Variants in MBTD1 observed in about 807,000 individuals in gnomAD.
MBTD1 encodes the protein mbt domain containing 1.
In MBTD1, 24 loss-of-function variants were observed where a neutral mutation model predicts 87.8. The observed-to-expected ratio is 0.27, with a 90% CI of 0.20 to 0.38. The LOEUF (loss-of-function observed/expected upper bound fraction) is 0.38, where lower values mean the gene tolerates loss of function less well. MBTD1 is among the 10% of genes least tolerant of loss of function. The pLI is 1.00. For synonymous variants in MBTD1, 237 were observed against 248.6 expected (o/e 0.95, Z 0.44); for missense variants, 436 against 760.2 (o/e 0.57, Z 5.02).
Position 51,213,335 on chromosome 17 carries a change from G to C in MBTD1, c.486+3999C>G, listed in dbSNP as rs564158107. 2.6e-5 allele frequency among the ~76,000 whole-genome samples: 4 copies of C among 152,290 alleles called. No individual in the cohort carries two copies. The South Asian group carries it at 8.3e-4, about 32-fold the overall frequency. On this transcript the variant is annotated intron_variant, in intron 6 of 16. Coordinates refer to ENST00000586178, the MANE Select transcript of MBTD1 (RefSeq NM_017643.3). ...GCATGAGCCACTGCTCTTGGCTAGA[G>C]TGCTTTAAAGCCAAATGTTCTGAAT...
At chr17:51,225,829 A>T (rs2053185614) in intron 2 of MBTD1, among the ~76,000 whole-genome samples, 1 of 151,130 alleles carries the variant, frequency 6.6e-6, no homozygotes, top group Non-Finnish European at 1.5e-5. Flanking sequence ...CCCAGGCTGG[A>T]GTGCAGTGGC....
intron 6 of MBTD1, among the ~76,000 whole-genome samples, chr17:51,210,934 C>T (rs1023111862): frequency 6.6e-6 from 1 of 151,354 alleles, no homozygotes; most frequent in Admixed American, 6.6e-5. Context: ...GCCAGGAGTT[C>T]AAGACCAGCC....
At chr17:51,224,299 T>C (rs886531842) in intron 3 of MBTD1, among the ~76,000 whole-genome samples, 29 of 152,230 alleles carry the variant, frequency 1.9e-4, no homozygotes, top group Non-Finnish European at 3.5e-4. Context: ...GAAGCAACTA[T>C]GGCTCCTTGG....
chr17:51,226,022 G>GCTCA (rs2143726602), intron 2 of MBTD1, among the ~76,000 whole-genome samples: 1 of 150,056 alleles, frequency 6.7e-6, no homozygotes, highest in East Asian at 2.1e-4. Flanking sequence ...CAGGTGATCC[G>GCTCA]CCCACCTCGG....
At chr17:51,192,433 A>G (rs1176673064) in intron 15 of MBTD1, 153 bp from the exon 16 acceptor site, 1 of 647,986 alleles carries the variant, frequency 1.5e-6, no homozygotes, top group African/African-American at 1.8e-5. Flanking sequence ...TTCCTACAAA[A>G]CCATAGCCTC....
chr17:51,179,482 T>TTTA lies in MBTD1; in HGVS notation c.*1093_*1094insTAA, dbSNP rs2050199433. ...AAATCCTGAATACAATTAAAGACAATTTTATATATATATATATATATATAT... is the reference window on the plus strand; with the variant it reads ...AAATCCTGAATACAATTAAAGACAATTTATTTATATATATATATATATATATAT... On this transcript the variant is annotated 3_prime_UTR_variant, in exon 17 of 17. Transcript: ENST00000586178. 1 of 31,640 alleles carries TTTA rather than the reference T, an allele frequency of 3.2e-5. No homozygotes were observed. Among genetic ancestry groups the TTTA allele is most frequent in the Admixed American group, 4.5e-4 (1 of 2,204 alleles). 2.0% of individuals were successfully genotyped at this position (31,640 alleles called of 1,614,324 possible). A position where few individuals can be genotyped will look rare whatever the true frequency, so the allele number is the denominator to read the frequency against.
chr17:51,178,572 G>T lies in MBTD1; in HGVS notation c.*2004C>A, dbSNP rs1229770463. 6.6e-6 allele frequency: 1 copy of T among 152,158 alleles called. No individual in the cohort carries two copies. The highest frequency in any genetic ancestry group is 1.5e-5 in the Non-Finnish European group (1 of 68,046). The allele number at this position is 152,158 out of a possible 1,614,324, so 9.4% of individuals were successfully genotyped here. On this transcript the variant is annotated 3_prime_UTR_variant, in exon 17 of 17. Transcript: ENST00000586178. ...TTCTTGTGCCTGTGCTGTGGAATTA[G>T]TCCTGGGTTTAATTCAGTGAGCCTG... is the stretch of plus-strand genomic sequence containing the variant.
Position 51,203,841 on chromosome 17 carries a change from T to C in MBTD1, c.689A>G (p.His230Arg), listed in dbSNP as rs2051639974. The C allele has an allele frequency of 1.2e-6, 2 of 1,613,818 alleles. No individual in the cohort carries two copies. Among genetic ancestry groups the C allele is most frequent in the African/African-American group, 1.3e-5 (1 of 75,054 alleles). Reference protein sequence around the residue: ...FWCNICGSDIHPVGWCAASGK... With the variant: ...FWCNICGSDIRPVGWCAASGK... ...GCTGGCTGCACACCAACCAACTGGA[T>C]GGATATCAGAACCACATATATTGCA... Residue 230 changes from histidine to arginine, a missense_variant, in exon 8 of 17, where the codon CAT becomes CGT. Around this residue, in one of 5 missense-constraint regions of MBTD1, gnomAD observed 268 missense variants for 401.8 expected, o/e 0.67. Coordinates refer to ENST00000586178, the MANE Select transcript of MBTD1 (RefSeq NM_017643.3).
At chr17:51,210,146 C>T (rs1244675918) in intron 6 of MBTD1, among the ~76,000 whole-genome samples, 6 of 151,982 alleles carry the variant, frequency 3.9e-5, no homozygotes, top group Non-Finnish European at 5.9e-5. Context: ...GGATTACAGG[C>T]GCATGCCACC....
chr17:51,259,596 A>G (rs1357795725), intron 1 of MBTD1, among the ~76,000 whole-genome samples: 1 of 148,696 alleles, frequency 6.7e-6, no homozygotes, highest in Non-Finnish European at 1.5e-5. Flanking sequence ...TTTTTCTTCC[A>G]AAGGGTGGAG....
rs571559374 is a variant in MBTD1 at position 51,252,742 on chromosome 17, A to C, written c.-49+6401T>G. Among the ~76,000 whole-genome samples, 66 of 151,420 alleles carry C rather than the reference A, an allele frequency of 4.4e-4. No individual in the cohort carries two copies. In the South Asian group the frequency reaches 0.013, roughly 31 times the overall value. Reference sequence around the variant, plus strand: ...GAGTGAGACTCTGTCTCAAAAAAAAACAAAACAACAAAACAAAACCCCAAA... The same window carrying C: ...GAGTGAGACTCTGTCTCAAAAAAAACCAAAACAACAAAACAAAACCCCAAA... On this transcript the variant is annotated intron_variant, in intron 2 of 16. Transcript: ENST00000586178.
chr17:51,259,958 G>C lies in MBTD1; in HGVS notation c.-236C>G. On this transcript the variant is annotated 5_prime_UTR_variant, in exon 1 of 17. Transcript: ENST00000586178. ...TCCCCGGGACTGCGGCGACTACAGG[G>C]GGCCCCCGGCTGGGCCCAGACCGGT... is the stretch of plus-strand genomic sequence containing the variant. 1 of 1,124,442 alleles carries C rather than the reference G, an allele frequency of 8.9e-7. No individual in the cohort carries two copies. The highest frequency in any genetic ancestry group is 1.1e-6 in the Non-Finnish European group (1 of 889,804). The allele number at this position is 1,124,442 out of a possible 1,614,324, so 69.7% of individuals were successfully genotyped here. A position where few individuals can be genotyped will look rare whatever the true frequency, so the allele number is the denominator to read the frequency against.
At chr17:51,228,489 C>T (rs1353574121) in intron 2 of MBTD1, among the ~76,000 whole-genome samples, 4 of 92,248 alleles carry the variant, frequency 4.3e-5, no homozygotes, top group Non-Finnish European at 9.0e-5. Context: ...ATTCAAACCA[C>T]GAAAAAAAAA....
intron 15 of MBTD1, 153 bp downstream of exon 15, chr17:51,192,629 G>T: frequency 1.5e-6 from 2 of 1,346,724 alleles, no homozygotes; most frequent in Non-Finnish European, 2.0e-6. Context: ...CTGATTCTGT[G>T]ATATTGTTGT....
chr17:51,260,072 G>A, upstream of MBTD1: 1 of 390,790 alleles, frequency 2.6e-6, no homozygotes, highest in Non-Finnish European at 4.5e-6. Flanking sequence ...CCTCCCCAGC[G>A]CGCCTGCGCC....
chr17:51,256,507 C>T (rs1239244654), intron 2 of MBTD1: 1 of 152,140 alleles, frequency 6.6e-6, no homozygotes, highest in Non-Finnish European at 1.5e-5. Flanking sequence ...TGCAGACCTA[C>T]TAAATAAGTT....
At chr17:51,260,541 G>C, upstream of MBTD1, 1 of 1,574,690 alleles carries the variant, frequency 6.4e-7, no homozygotes, top group South Asian at 1.2e-5. Context: ...CGCATGCGCA[G>C]CGAGGTTCCA....
At chr17:51,247,776 A>G (rs1433189901) in intron 2 of MBTD1, among the ~76,000 whole-genome samples, 5 of 152,162 alleles carry the variant, frequency 3.3e-5, no homozygotes, top group African/African-American at 4.8e-5. Flanking sequence ...TCACAAAAAT[A>G]ATTAGCTTTC....
At chr17:51,260,425 G>T (rs772639505), upstream of MBTD1, 16 of 770,122 alleles carry the variant, frequency 2.1e-5, no homozygotes, top group South Asian at 2.7e-4. Flanking sequence ...GGGTAGGGGA[G>T]CGGGAGTTAC....
Sources: gnomAD v4.1 joint callset for allele counts (sites outside exome capture counted in the v4.1 genomes callset) on GRCh38, gnomAD v4.1.1 for gene constraint, gnomAD v4.1.1 regional missense constraint, MANE v1.5 for transcripts, NCBI Gene and HGNC (gene_info 2026-07-23, HGNC 2026-07-21) for gene names.